LPAR1: variants seen among roughly 807,000 people sequenced by gnomAD.
LPAR1 encodes lysophosphatidic acid receptor 1.
Under a neutral mutation model 23.8 loss-of-function variants are expected in LPAR1, and 5 were observed. That is an observed-to-expected ratio of 0.21 (90% confidence interval 0.11 to 0.44). The LOEUF is 0.44. Ranked by LOEUF, LPAR1 falls within the 20% of genes least tolerant of loss-of-function variation. LPAR1 has a pLI of 0.99. For missense variants in LPAR1, 311 were observed against 482.8 expected, an observed-to-expected ratio of 0.64 and a Z score of 3.33; for synonymous variants, 160 against 164.7, an observed-to-expected ratio of 0.97 and a Z score of 0.22.
intron 2 of LPAR1, among the ~76,000 whole-genome samples, chr9:111,022,055 C>G (rs1285812918): frequency 6.6e-6 from 1 of 151,472 alleles, no homozygotes; most frequent in Non-Finnish European, 1.5e-5. Flanking sequence ...AGTAGTGTTG[C>G]CCAATGTGAA....
rs148147103 is a variant in LPAR1 at position 111,002,351 on chromosome 9, T to A, written c.-181-28793A>T. ...TTATACTTTTCTTGTAAATTTCCCT[T>A]CGGAAACCAATTTTAAACTTCTAAA... On this transcript the variant is annotated intron_variant, in intron 2 of 5. Coordinates refer to ENST00000683809, the MANE Select transcript of LPAR1 (RefSeq NM_001351411.2). Among the ~76,000 whole-genome samples the A allele has an allele frequency of 9.9e-3, 1,502 of 152,272 alleles. 27 individuals carry two copies. Among genetic ancestry groups the A allele is most frequent in the African/African-American group, 0.034 (1,405 of 41,564 alleles).
At chr9:110,971,339 C>T (rs1430241496) in intron 4 of LPAR1, among the ~76,000 whole-genome samples, 1 of 152,128 alleles carries the variant, frequency 6.6e-6, no homozygotes, top group Non-Finnish European at 1.5e-5. Flanking sequence ...GAAACTGAAG[C>T]TGAGAGAAGC....
intron 5 of LPAR1, among the ~76,000 whole-genome samples, chr9:110,895,936 C>T (rs958835146): frequency 1.5e-4 from 23 of 152,202 alleles, no homozygotes; most frequent in Non-Finnish European, 2.8e-4. Flanking sequence ...TCTCTTGCTT[C>T]TCATGCCATT....
chr9:110,881,154 T>C (rs1258775145), intron 5 of LPAR1, among the ~76,000 whole-genome samples: 2 of 152,216 alleles, frequency 1.3e-5, no homozygotes, highest in African/African-American at 4.8e-5. Flanking sequence ...ATTATTGTTC[T>C]ATATTATTTC....
At chr9:111,009,320 C>CA in intron 2 of LPAR1, among the ~76,000 whole-genome samples, 1 of 151,870 alleles carries the variant, frequency 6.6e-6, no homozygotes, top group East Asian at 1.9e-4. Flanking sequence ...ACGAATTACA[C>CA]AGAGGCACAG....
At chr9:111,036,832 C>T (rs1459582177) in intron 1 of LPAR1, among the ~76,000 whole-genome samples, 1 of 152,168 alleles carries the variant, frequency 6.6e-6, no homozygotes, top group Non-Finnish European at 1.5e-5. Context: ...ACTTACAATG[C>T]TGATTATTAT....
At chr9:110,895,707 C>T (rs543193226) in intron 5 of LPAR1, among the ~76,000 whole-genome samples, 1 of 152,214 alleles carries the variant, frequency 6.6e-6, no homozygotes, top group South Asian at 2.1e-4. Context: ...CTGGCCACCT[C>T]GGTAAGATTG....
intron 4 of LPAR1, among the ~76,000 whole-genome samples, chr9:110,963,075 G>T (rs4978431): frequency 6.6e-6 from 1 of 152,066 alleles, no homozygotes; most frequent in Non-Finnish European, 1.5e-5. Flanking sequence ...GAAAAAGCCA[G>T]ACCCACTTTG....
chr9:110,938,739 T>C (rs2094895793), intron 5 of LPAR1, among the ~76,000 whole-genome samples: 1 of 150,880 alleles, frequency 6.6e-6, no homozygotes, highest in African/African-American at 2.4e-5. Flanking sequence ...CTGGGTGTGG[T>C]GGTATGCACC....
intron 5 of LPAR1, among the ~76,000 whole-genome samples, chr9:110,915,136 A>C (rs1444672522): frequency 6.6e-6 from 1 of 152,226 alleles, no homozygotes; most frequent in African/African-American, 2.4e-5. Flanking sequence ...AAGTGTGCTT[A>C]TGATTCATAG....
intron 4 of LPAR1, among the ~76,000 whole-genome samples, chr9:110,961,617 C>CAAAAAAAAAAAAA (rs57773067): frequency 1.1e-4 from 9 of 79,856 alleles, no homozygotes; most frequent in African/African-American, 1.4e-4. Context: ...GAGACTATCT[C>CAAAAAAAAAAAAA]AAAAAAAAAA....
In LPAR1 at chr9:110,877,736, T is replaced by C. The variant is rs1047189240; in HGVS notation, c.794-2014A>G. Reference sequence around the variant, plus strand: ...CCCCTTCCTTTTATCAAAGCTCTAATTGAGTTCAAATTCAGAACTTGATTA... The same window carrying C: ...CCCCTTCCTTTTATCAAAGCTCTAACTGAGTTCAAATTCAGAACTTGATTA... On this transcript the variant is annotated intron_variant, in intron 5 of 5. Coordinates refer to ENST00000683809, the MANE Select transcript of LPAR1 (RefSeq NM_001351411.2). Among the ~76,000 whole-genome samples the C allele has an allele frequency of 2.6e-5, 4 of 152,334 alleles. No individual in the cohort carries two copies. The South Asian group carries it at 8.3e-4, about 32-fold the overall frequency.
chr9:110,984,851 G>A (rs1354563201), intron 2 of LPAR1, among the ~76,000 whole-genome samples: 2 of 150,526 alleles, frequency 1.3e-5, no homozygotes, highest in African/African-American at 4.9e-5. Context: ...AATAAGCTAA[G>A]ATGAAAACTC....
intron 2 of LPAR1, among the ~76,000 whole-genome samples, chr9:111,025,582 T>G (rs907652880): frequency 1.1e-4 from 16 of 152,242 alleles, no homozygotes; most frequent in Admixed American, 7.8e-4. Context: ...TGGCTTTGGT[T>G]GCAATCACTT....
intron 5 of LPAR1, among the ~76,000 whole-genome samples, chr9:110,882,499 T>TAAGG (rs930054291): frequency 6.6e-6 from 1 of 152,204 alleles, no homozygotes; most frequent in African/African-American, 2.4e-5. Flanking sequence ...CAAAGGGGCA[T>TAAGG]AAGGAAGACC....
At chr9:110,900,995 T>G (rs2088695121) in intron 5 of LPAR1, among the ~76,000 whole-genome samples, 2 of 152,192 alleles carry the variant, frequency 1.3e-5, no homozygotes, top group South Asian at 4.1e-4. Flanking sequence ...ACAAATCTTT[T>G]CTTCAATCTG....
In LPAR1 at chr9:110,970,783, T is replaced by C. The variant is rs187559122; in HGVS notation, c.45+1290A>G. ...AAAAAAACAGTGTGGAACAACGTTC[T>C]GTATCAAGTTCAAATTTCAATCAGT... is the stretch of plus-strand genomic sequence containing the variant. On this transcript the variant is annotated intron_variant, in intron 4 of 5. Coordinates refer to ENST00000683809, the MANE Select transcript of LPAR1 (RefSeq NM_001351411.2). 1.1e-3 allele frequency among the ~76,000 whole-genome samples: 171 copies of C among 152,352 alleles called. 1 individual carries two copies. The highest frequency in any genetic ancestry group is 2.1e-3 in the Non-Finnish European group (145 of 68,032).
At chr9:111,028,569 T>C (rs1317233288) in intron 2 of LPAR1, among the ~76,000 whole-genome samples, 3 of 150,872 alleles carry the variant, frequency 2.0e-5, no homozygotes, top group African/African-American at 4.8e-5. Flanking sequence ...CAAAAAGGCA[T>C]GCCAATAAAA....
chr9:110,905,737 T>C (rs1391544613), intron 5 of LPAR1, among the ~76,000 whole-genome samples: 1 of 152,198 alleles, frequency 6.6e-6, no homozygotes, highest in African/African-American at 2.4e-5. Flanking sequence ...TTATCAGTAA[T>C]ATGTAAGGAT....
Sources: gnomAD v4.1 joint callset for allele counts (sites outside exome capture counted in the v4.1 genomes callset) on GRCh38, gnomAD v4.1.1 for gene constraint, MANE v1.5 for transcripts, NCBI Gene and HGNC (gene_info 2026-07-23, HGNC 2026-07-21) for gene names.